The following PTPRK variants were observed in gnomAD, a reference collection of about 807,000 sequenced individuals.
PTPRK encodes protein tyrosine phosphatase receptor type K.
Under a neutral mutation model 178.0 loss-of-function variants are expected in PTPRK, and 75 were observed. The ratio of observed to expected loss-of-function variants is 0.42; its 90% CI spans 0.35 to 0.51. The LOEUF (loss-of-function observed/expected upper bound fraction) is 0.51, where lower values mean the gene tolerates loss of function less well. Ranked by LOEUF, PTPRK falls within the 20% of genes least tolerant of loss-of-function variation. The probability of loss-of-function intolerance (pLI) is 0.02; values close to 1 mark genes in which losing one functional copy is unlikely to be tolerated. For synonymous variants in PTPRK, 637 were observed against 620.6 expected, an observed-to-expected ratio of 1.03 and a Z score of -0.39; for missense variants, 1,441 against 1,797.8, an observed-to-expected ratio of 0.80 and a Z score of 3.59.
chr6:128,441,845 C>T (rs1205408392), intron 1 of PTPRK, among the ~76,000 whole-genome samples: 1 of 152,148 alleles, frequency 6.6e-6, no homozygotes, highest in Non-Finnish European at 1.5e-5. Flanking sequence ...ATGGTCTGTA[C>T]TATCATTCTA....
At chr6:128,518,200 C>T (rs1195157307) in intron 1 of PTPRK, among the ~76,000 whole-genome samples, 1 of 152,100 alleles carries the variant, frequency 6.6e-6, no homozygotes, top group Non-Finnish European at 1.5e-5. Flanking sequence ...TTTAGGAATG[C>T]ACATTATATT....
At chr6:128,100,899 T>A (rs145915827) in intron 7 of PTPRK, among the ~76,000 whole-genome samples, 147 of 152,142 alleles carry the variant, frequency 9.7e-4, no homozygotes, top group South Asian at 7.0e-3. Flanking sequence ...GTAATTTATG[T>A]CTCAAATACT....
At chr6:128,399,195 G>A (rs1228444470) in intron 1 of PTPRK, among the ~76,000 whole-genome samples, 1 of 151,974 alleles carries the variant, frequency 6.6e-6, no homozygotes, top group East Asian at 1.9e-4. Flanking sequence ...ATTCTTCTCT[G>A]TAAAAAAAAG....
intron 1 of PTPRK, among the ~76,000 whole-genome samples, chr6:128,433,413 A>G (rs560057559): frequency 3.3e-5 from 5 of 152,230 alleles, no homozygotes; most frequent in South Asian, 2.1e-4. Context: ...CACTTACCAT[A>G]GTGAACTCCA....
Position 127,995,442 on chromosome 6 carries a change from T to G in PTPRK, c.2844+20A>C, listed in dbSNP as rs1312562217. ...ATATAAGCCAATAAAGTAGACATAC[T>G]TAACTATAAAAATACTTACATCAAT... On this transcript the variant is annotated intron_variant, in intron 18 of 29. Coordinates refer to ENST00000368226, the MANE Select transcript of PTPRK (RefSeq NM_002844.4). 8 of 1,534,682 alleles carry G rather than the reference T, an allele frequency of 5.2e-6. No individual in the cohort carries two copies. Among genetic ancestry groups the G allele is most frequent in the Non-Finnish European group, 7.2e-6 (8 of 1,115,240 alleles).
intron 15 of PTPRK, among the ~76,000 whole-genome samples, chr6:127,999,195 T>C (rs2114685051): frequency 6.6e-6 from 1 of 152,086 alleles, no homozygotes. Context: ...TGCTGAGTTG[T>C]TTTTCTTGCA....
intron 25 of PTPRK, among the ~76,000 whole-genome samples, chr6:127,977,856 G>C (rs2114618196): frequency 6.6e-6 from 1 of 152,232 alleles, no homozygotes; most frequent in South Asian, 2.1e-4. Context: ...ATCTGGACTG[G>C]ACAATTGCCA....
At chr6:128,495,528 C>T (rs1854528390) in intron 1 of PTPRK, among the ~76,000 whole-genome samples, 1 of 152,020 alleles carries the variant, frequency 6.6e-6, no homozygotes, top group Non-Finnish European at 1.5e-5. Context: ...ATCCTTCCCT[C>T]TCTCTAAGTC....
At chr6:128,054,021 A>G (rs1388931682) in intron 13 of PTPRK, among the ~76,000 whole-genome samples, 1 of 152,254 alleles carries the variant, frequency 6.6e-6, no homozygotes, top group Non-Finnish European at 1.5e-5. Flanking sequence ...TGTTACATAT[A>G]GCTGGGATTA....
At chr6:128,517,532 G>T (rs924083802) in intron 1 of PTPRK, among the ~76,000 whole-genome samples, 4 of 152,162 alleles carry the variant, frequency 2.6e-5, no homozygotes, top group Non-Finnish European at 5.9e-5. Context: ...CTGAAAGAAT[G>T]TATGAGTTGG....
chr6:128,042,977 G>A (rs965127320), intron 13 of PTPRK, among the ~76,000 whole-genome samples: 5 of 151,738 alleles, frequency 3.3e-5, no homozygotes, highest in Non-Finnish European at 5.9e-5. Context: ...AGTTATTTCC[G>A]TTTCATTAGT....
chr6:128,499,219 T>C (rs941618753), intron 1 of PTPRK, among the ~76,000 whole-genome samples: 2 of 151,932 alleles, frequency 1.3e-5, no homozygotes, highest in Non-Finnish European at 2.9e-5. Context: ...CAAAAGACTG[T>C]GTAAAAAGTA....
intron 24 of PTPRK, among the ~76,000 whole-genome samples, chr6:127,982,182 G>T (rs535403119): frequency 6.6e-6 from 1 of 152,052 alleles, no homozygotes; most frequent in Non-Finnish European, 1.5e-5. Context: ...CATTGTGAGT[G>T]ACCCAGGTCA....
chr6:128,239,196 T>C (rs1813926471), intron 5 of PTPRK, among the ~76,000 whole-genome samples: 2 of 151,340 alleles, frequency 1.3e-5, no homozygotes, highest in South Asian at 4.2e-4. Context: ...ATTAAATCTC[T>C]TTCCTCATTC....
At chr6:128,399,432 C>T (rs1840741481) in intron 1 of PTPRK, among the ~76,000 whole-genome samples, 1 of 152,152 alleles carries the variant, frequency 6.6e-6, no homozygotes, top group African/African-American at 2.4e-5. Context: ...AACTCGAGAA[C>T]TCAAAACCTT....
chr6:128,362,133 T>C (rs968443268), intron 2 of PTPRK, among the ~76,000 whole-genome samples: 8 of 152,174 alleles, frequency 5.3e-5, no homozygotes, highest in African/African-American at 1.7e-4. Flanking sequence ...ACCGGAAGCA[T>C]GGTGCTGAGC....
chr6:128,307,618 A>T (rs2128314654), intron 3 of PTPRK, among the ~76,000 whole-genome samples: 1 of 152,258 alleles, frequency 6.6e-6, no homozygotes, highest in South Asian at 2.1e-4. Flanking sequence ...CCCAATTGAT[A>T]AGAAACAGAT....
chr6:128,169,303 A>G (rs569786183), intron 7 of PTPRK, among the ~76,000 whole-genome samples: 2 of 152,192 alleles, frequency 1.3e-5, no homozygotes, highest in African/African-American at 4.8e-5. Flanking sequence ...ATGTATGTCA[A>G]AACACATTGT....
chr6:128,248,652 CAAAG>C (rs1026957858), intron 3 of PTPRK, among the ~76,000 whole-genome samples: 1 of 151,806 alleles, frequency 6.6e-6, no homozygotes, highest in Non-Finnish European at 1.5e-5. Context: ...CAGAAGTGCC[CAAAG>C]AAAGAGCGGT....
Sources: gnomAD v4.1 joint callset for allele counts (sites outside exome capture counted in the v4.1 genomes callset) on GRCh38, gnomAD v4.1.1 for gene constraint, MANE v1.5 for transcripts, NCBI Gene and HGNC (gene_info 2026-07-23, HGNC 2026-07-21) for gene names.